The following ADGRB3 variants were observed in gnomAD, a reference collection of about 807,000 sequenced individuals.
ADGRB3 encodes brain-specific angiogenesis inhibitor 3.
In ADGRB3, 37 loss-of-function variants were observed where a neutral mutation model predicts 193.4. The ratio of observed to expected loss-of-function variants is 0.19; its 90% CI spans 0.15 to 0.25. The LOEUF (loss-of-function observed/expected upper bound fraction) is 0.25, where lower values mean the gene tolerates loss of function less well. Among genes scored for constraint, ADGRB3 ranks in the 10% least tolerant of loss-of-function variants. The probability of loss-of-function intolerance (pLI) is 1.00; values close to 1 mark genes in which losing one functional copy is unlikely to be tolerated. For synonymous variants in ADGRB3, 690 were observed against 644.2 expected, an observed-to-expected ratio of 1.07 and a Z score of -1.08; for missense variants, 1,637 against 1,852.9, an observed-to-expected ratio of 0.88 and a Z score of 2.14.
rs965588363 is a variant in ADGRB3, at chr6:69,254,932, C to A, written c.2814+15706C>A. Among the ~76,000 whole-genome samples the A allele has an allele frequency of 1.0e-4, 15 of 147,044 alleles. No homozygotes were observed. The East Asian group carries it at 1.2e-3, about 12-fold the overall frequency. On this transcript the variant is annotated intron_variant, in intron 20 of 31. Transcript: ENST00000370598. ...TCCATGTGTTCTCATTGTTCAATTC[C>A]CACCTATGAGTGAGAACATGTGGTG...
At chr6:68,991,824 T>C (rs1177565837) in intron 10 of ADGRB3, among the ~76,000 whole-genome samples, 1 of 152,160 alleles carries the variant, frequency 6.6e-6, no homozygotes, top group African/African-American at 2.4e-5. Flanking sequence ...AAAACATTTT[T>C]AATATATAGA....
chr6:69,061,069 A>C (rs654801), intron 15 of ADGRB3, among the ~76,000 whole-genome samples: 43,722 of 149,314 alleles, frequency 0.29, 8,324 homozygotes, highest in East Asian at 0.89. Context: ...TTATCATTTA[A>C]TGAAAAAAAA....
intron 3 of ADGRB3, among the ~76,000 whole-genome samples, chr6:68,670,338 C>A (rs1009110214): frequency 6.6e-6 from 1 of 151,944 alleles, no homozygotes; most frequent in Non-Finnish European, 1.5e-5. Flanking sequence ...AGAAACTTTT[C>A]ACTCAGACCA....
chr6:68,957,850 A>G (rs1768119328), intron 8 of ADGRB3, among the ~76,000 whole-genome samples: 1 of 152,162 alleles, frequency 6.6e-6, no homozygotes, highest in African/African-American at 2.4e-5. Flanking sequence ...ATAACAACAG[A>G]ACTGGATTTT....
At chr6:69,310,323 A>T (rs1768164247) in intron 20 of ADGRB3, among the ~76,000 whole-genome samples, 1 of 151,748 alleles carries the variant, frequency 6.6e-6, no homozygotes, top group African/African-American at 2.4e-5. Context: ...AGAAAGACAG[A>T]TTCAGCTGTC....
At chr6:69,132,218 G>A (rs1774030266) in intron 17 of ADGRB3, among the ~76,000 whole-genome samples, 1 of 152,138 alleles carries the variant, frequency 6.6e-6, no homozygotes, top group Non-Finnish European at 1.5e-5. Context: ...CTCCATAATG[G>A]TTGAACTAAT....
intron 13 of ADGRB3, among the ~76,000 whole-genome samples, chr6:69,027,692 C>T (rs1284146762): frequency 6.6e-6 from 1 of 152,098 alleles, no homozygotes; most frequent in African/African-American, 2.4e-5. Context: ...AAGAGCAGTG[C>T]TGTGCTTACT....
At chr6:68,756,459 G>A (rs1367339057) in intron 3 of ADGRB3, among the ~76,000 whole-genome samples, 2 of 152,186 alleles carry the variant, frequency 1.3e-5, no homozygotes, top group Admixed American at 1.3e-4. Flanking sequence ...GCTTGTGGAA[G>A]AAAGTGGTTG....
At chr6:69,366,752 C>T (rs1051040828) in intron 29 of ADGRB3, among the ~76,000 whole-genome samples, 2 of 152,076 alleles carry the variant, frequency 1.3e-5, no homozygotes, top group African/African-American at 4.8e-5. Flanking sequence ...AGAGTATGCC[C>T]AAGCAAAGCA....
intron 30 of ADGRB3, among the ~76,000 whole-genome samples, chr6:69,376,654 A>G (rs1344687420): frequency 1.3e-5 from 2 of 152,060 alleles, no homozygotes; most frequent in African/African-American, 4.8e-5. Context: ...AAATTGTGAC[A>G]TAGAAATCAA....
At chr6:68,953,794 G>T (rs551013343) in intron 6 of ADGRB3, among the ~76,000 whole-genome samples, 18 of 152,304 alleles carry the variant, frequency 1.2e-4, no homozygotes, top group African/African-American at 4.1e-4. Flanking sequence ...TGTAAGGCTT[G>T]AAGTTAGATT....
At chr6:69,236,322 G>A (rs892030401) in intron 19 of ADGRB3, among the ~76,000 whole-genome samples, 4 of 151,722 alleles carry the variant, frequency 2.6e-5, no homozygotes, top group South Asian at 2.1e-4. Context: ...CCTTCCTTCC[G>A]GTGAAGGAAT....
chr6:68,921,872 C>T (rs540879652), intron 3 of ADGRB3, among the ~76,000 whole-genome samples: 14 of 151,750 alleles, frequency 9.2e-5, no homozygotes, highest in African/African-American at 3.4e-4. Context: ...CCAGTAAGAC[C>T]GCAATATCGT....
At chr6:68,961,960 T>C (rs1768245230) in intron 8 of ADGRB3, among the ~76,000 whole-genome samples, 1 of 152,328 alleles carries the variant, frequency 6.6e-6, no homozygotes, top group Admixed American at 6.5e-5. Context: ...ACCTGTTGCA[T>C]TCTTCAAAAG....
At chr6:68,899,722 C>T (rs1164941010) in intron 3 of ADGRB3, among the ~76,000 whole-genome samples, 4 of 151,608 alleles carry the variant, frequency 2.6e-5, no homozygotes, top group African/African-American at 9.7e-5. Flanking sequence ...TATTTATATA[C>T]CAAACTGTAG....
intron 29 of ADGRB3, among the ~76,000 whole-genome samples, chr6:69,362,004 A>T (rs557772066): frequency 6.6e-5 from 10 of 152,078 alleles, no homozygotes; most frequent in South Asian, 2.1e-4. Context: ...TTTTACCATT[A>T]TACTGATGAA....
intron 24 of ADGRB3, among the ~76,000 whole-genome samples, chr6:69,336,341 C>A (rs900371109): frequency 6.6e-6 from 1 of 151,794 alleles, no homozygotes; most frequent in Admixed American, 6.6e-5. Context: ...CTGCCTTAAA[C>A]GTCTTTGTCT....
At chr6:69,196,712 A>C (rs907094353) in intron 17 of ADGRB3, among the ~76,000 whole-genome samples, 1 of 152,148 alleles carries the variant, frequency 6.6e-6, no homozygotes, top group South Asian at 2.1e-4. Flanking sequence ...TGGGACTTCA[A>C]TGTATGAATT....
intron 3 of ADGRB3, among the ~76,000 whole-genome samples, chr6:68,839,202 G>T (rs1768103123): frequency 6.6e-6 from 1 of 152,040 alleles, no homozygotes; most frequent in Non-Finnish European, 1.5e-5. Context: ...CTATAGAAAT[G>T]CAGATATCTT....
Sources: gnomAD v4.1 joint callset for allele counts (sites outside exome capture counted in the v4.1 genomes callset) on GRCh38, gnomAD v4.1.1 for gene constraint, MANE v1.5 for transcripts, NCBI Gene and HGNC (gene_info 2026-07-23, HGNC 2026-07-21) for gene names.